The following CSTPP1 variants were observed in gnomAD, a reference collection of about 807,000 sequenced individuals.
CSTPP1 encodes the protein UPF0705 protein C11orf49.
the CSTPP1 span, among the ~76,000 whole-genome samples, chr11:46,962,939 A>G: frequency 6.6e-6 from 1 of 152,084 alleles, no homozygotes; most frequent in African/African-American, 2.4e-5. Context: ...GGGCAACGGG[A>G]GTGAGACCCT....
the CSTPP1 span, among the ~76,000 whole-genome samples, chr11:46,984,968 AG>A: frequency 7.9e-5 from 12 of 152,172 alleles, no homozygotes; most frequent in African/African-American, 2.9e-4. Context: ...AAACAATACC[AG>A]AAATTGGCAG....
the CSTPP1 span, among the ~76,000 whole-genome samples, chr11:47,115,685 A>G: frequency 6.7e-6 from 1 of 149,126 alleles, no homozygotes; most frequent in African/African-American, 2.5e-5. Context: ...TATTGCATCT[A>G]TTTGATTCTT....
At chr11:47,007,781 T>C in the CSTPP1 span, among the ~76,000 whole-genome samples, 4 of 152,158 alleles carry the variant, frequency 2.6e-5, no homozygotes, top group Non-Finnish European at 5.9e-5. Context: ...TATATTTGCT[T>C]TTGGCAGATG....
the CSTPP1 span, among the ~76,000 whole-genome samples, chr11:46,992,542 T>C: frequency 1.3e-5 from 2 of 152,114 alleles, no homozygotes; most frequent in Admixed American, 1.3e-4. Context: ...TCCAGCTTCA[T>C]CCATGTCCCT....
At chr11:46,957,062 G>A in the CSTPP1 span, among the ~76,000 whole-genome samples, 1 of 151,034 alleles carries the variant, frequency 6.6e-6, no homozygotes, top group African/African-American at 2.4e-5. Context: ...CATGGTTTTC[G>A]ATGAACTTGT....
chr11:47,122,088 AAAAATATATATAT>A, the CSTPP1 span, among the ~76,000 whole-genome samples: 1 of 96,760 alleles, frequency 1.0e-5, no homozygotes, highest in African/African-American at 4.0e-5. Context: ...AAAAAAAAAA[AAAAATATATATAT>A]ATATATATAT....
At chr11:47,032,445 G>A in the CSTPP1 span, among the ~76,000 whole-genome samples, 2 of 152,108 alleles carry the variant, frequency 1.3e-5, no homozygotes, top group East Asian at 3.9e-4. Context: ...ATCTTCTGGA[G>A]AGAGTTGACT....
chr11:46,950,612 T>C, the CSTPP1 span, among the ~76,000 whole-genome samples: 1 of 152,190 alleles, frequency 6.6e-6, no homozygotes, highest in Admixed American at 6.5e-5. Context: ...GTTTTCTTTT[T>C]TCCTTTTTTC....
chr11:47,012,695 C>A, the CSTPP1 span, among the ~76,000 whole-genome samples: 11 of 151,940 alleles, frequency 7.2e-5, no homozygotes, highest in African/African-American at 2.7e-4. Flanking sequence ...ACTGGATTCA[C>A]GATGGGAGCC....
the CSTPP1 span, among the ~76,000 whole-genome samples, chr11:47,089,817 G>C: frequency 6.6e-6 from 1 of 152,146 alleles, no homozygotes; most frequent in African/African-American, 2.4e-5. Context: ...TTTAACTGTT[G>C]CTAGCCTTAG....
At chr11:47,138,492 G>A in the CSTPP1 span, among the ~76,000 whole-genome samples, 1 of 152,188 alleles carries the variant, frequency 6.6e-6, no homozygotes, top group Non-Finnish European at 1.5e-5. Context: ...AGGTGATAAA[G>A]CCCCAGTTGA....
the CSTPP1 span, among the ~76,000 whole-genome samples, chr11:47,084,246 A>G: frequency 6.6e-6 from 1 of 152,212 alleles, no homozygotes; most frequent in East Asian, 1.9e-4. Flanking sequence ...CCCAATTTTT[A>G]GTGGGTTGTT....
chr11:47,096,697 G>T, the CSTPP1 span, among the ~76,000 whole-genome samples: 1 of 151,526 alleles, frequency 6.6e-6, no homozygotes, highest in African/African-American at 2.4e-5. Flanking sequence ...AATTGTTACT[G>T]ACTAGTTGGT....
the CSTPP1 span, among the ~76,000 whole-genome samples, chr11:46,981,702 T>C: frequency 6.6e-6 from 1 of 152,208 alleles, no homozygotes; most frequent in African/African-American, 2.4e-5. Flanking sequence ...TAAGTTTGAA[T>C]CCAAGCTCTG....
At chr11:47,091,806 G>A in the CSTPP1 span, among the ~76,000 whole-genome samples, 1 of 152,160 alleles carries the variant, frequency 6.6e-6, no homozygotes, top group African/African-American at 2.4e-5. Flanking sequence ...ATGACATGGG[G>A]CCACAAGCCA....
the CSTPP1 span, chr11:47,164,148 G>A: frequency 4.3e-6 from 7 of 1,613,762 alleles, no homozygotes; most frequent in African/African-American, 8.0e-5. Flanking sequence ...CAAGGAGCCA[G>A]GGGCCTTTGG....
At chr11:47,131,636 G>A in the CSTPP1 span, among the ~76,000 whole-genome samples, 7 of 152,272 alleles carry the variant, frequency 4.6e-5, no homozygotes, top group South Asian at 8.3e-4. Flanking sequence ...GCAATAAAGT[G>A]AATTTCTGTG....
chr11:47,038,003 G>C, the CSTPP1 span, among the ~76,000 whole-genome samples: 5 of 124,784 alleles, frequency 4.0e-5, 1 homozygote, highest in Non-Finnish European at 9.7e-5. Context: ...CTCCTGGACG[G>C]GGCGGCTGGC....
chr11:47,142,453 G>A, the CSTPP1 span, among the ~76,000 whole-genome samples: 15 of 151,866 alleles, frequency 9.9e-5, no homozygotes, highest in Non-Finnish European at 1.6e-4. Context: ...ATTTTGTGCC[G>A]GGAGCTATTC....
Sources: allele counts gnomAD v4.1 joint callset (sites outside exome capture counted in the v4.1 genomes callset), GRCh38; gene constraint gnomAD v4.1.1; transcripts MANE v1.5; gene names NCBI Gene and HGNC (gene_info 2026-07-23, HGNC 2026-07-21).